Variants in LIN52 observed in about 807,000 individuals in gnomAD.
LIN52 encodes protein lin-52 homolog.
LIN52 carries 4 observed loss-of-function variants against 18.5 expected under a neutral mutation model. That is an observed-to-expected ratio of 0.22 (90% confidence interval 0.11 to 0.49). The LOEUF is 0.49. Ranked by LOEUF, LIN52 falls within the 20% of genes least tolerant of loss-of-function variation. The pLI is 0.97. For synonymous variants in LIN52, 34 were observed against 45.5 expected (o/e 0.75, Z 1.02); for missense variants, 102 against 139.5 (o/e 0.73, Z 1.35).
chr14:74,097,299 T>C (rs994207934), intron 3 of LIN52, among the ~76,000 whole-genome samples: 2 of 152,226 alleles, frequency 1.3e-5, no homozygotes, highest in African/African-American at 2.4e-5. Flanking sequence ...AGATGAGCCA[T>C]GTTTTTTGCA....
chr14:74,201,309 A>T lies in LIN52; in HGVS notation c.*2332A>T, dbSNP rs1413528684. ...GACCTCCCCAGAAAGTACAACTGTA[A>T]TGATAAATAATCTACTGTTTTCCCC... On this transcript the variant is annotated 3_prime_UTR_variant, in exon 6 of 6. Coordinates refer to ENST00000555028, the MANE Select transcript of LIN52 (RefSeq NM_001024674.3). 20 of 152,160 alleles carry T rather than the reference A, an allele frequency of 1.3e-4. No individual in the cohort carries two copies. Among genetic ancestry groups the T allele is most frequent in the Admixed American group, 1.3e-3 (20 of 15,264 alleles). The allele number at this position is 152,160 out of a possible 1,614,324, so 9.4% of individuals were successfully genotyped here.
At chr14:74,110,849 C>T (rs2060921998) in intron 5 of LIN52, among the ~76,000 whole-genome samples, 1 of 151,294 alleles carries the variant, frequency 6.6e-6, no homozygotes, top group Non-Finnish European at 1.5e-5. Context: ...ACCTGTAGTC[C>T]CAGCAACTTG....
intron 5 of LIN52, among the ~76,000 whole-genome samples, chr14:74,172,124 T>G (rs1269703125): frequency 6.6e-6 from 1 of 152,236 alleles, no homozygotes; most frequent in Admixed American, 6.5e-5. Flanking sequence ...GTTTCTTCAC[T>G]ATTGTAAGGC....
intron 5 of LIN52, among the ~76,000 whole-genome samples, chr14:74,104,638 G>A (rs918710330): frequency 1.3e-5 from 2 of 151,112 alleles, no homozygotes; most frequent in African/African-American, 4.9e-5. Flanking sequence ...TTGGTGTTGG[G>A]TACATTATGT....
intron 5 of LIN52, among the ~76,000 whole-genome samples, chr14:74,153,091 A>G (rs1346272998): frequency 6.6e-6 from 1 of 152,096 alleles, no homozygotes; most frequent in Non-Finnish European, 1.5e-5. Flanking sequence ...ACAGAATCCT[A>G]GTGCGTGCAA....
Position 74,130,278 on chromosome 14 carries a change from G to GTTTTTTTTTTTTTTTTTTTTTTTTTTT in LIN52, c.283+29058_283+29059insTTTTTTTTTTTTTTTTTTTTTTTTTTT, listed in dbSNP as rs71460958. Among the ~76,000 whole-genome samples, 77 of 64,814 alleles carry GTTTTTTTTTTTTTTTTTTTTTTTTTTT rather than the reference G, an allele frequency of 1.2e-3. 16 individuals are homozygous for GTTTTTTTTTTTTTTTTTTTTTTTTTTT. The highest frequency in any genetic ancestry group is 2.7e-3 in the African/African-American group (43 of 15,870). 42.5% of individuals were successfully genotyped at this position (64,814 alleles called of 152,430 possible). On this transcript the variant is annotated intron_variant, in intron 5 of 5. Transcript: ENST00000555028. ...GAATTTATTAGATAGGCATTTTTTG[G>GTTTTTTTTTTTTTTTTTTTTTTTTTTT]TTTTTTTTTTTTTTTTTTGAGACAG... is the stretch of plus-strand genomic sequence containing the variant.
chr14:74,115,302 A>G (rs553928794), intron 5 of LIN52, among the ~76,000 whole-genome samples: 1 of 152,256 alleles, frequency 6.6e-6, no homozygotes, highest in South Asian at 2.1e-4. Flanking sequence ...CTTGATAGGC[A>G]AAATATTGTC....
chr14:74,181,287 T>G (rs1441080817), intron 5 of LIN52, among the ~76,000 whole-genome samples: 1 of 151,406 alleles, frequency 6.6e-6, no homozygotes, highest in Non-Finnish European at 1.5e-5. Context: ...ACAAAAAAAT[T>G]TTTAAGAAGA....
chr14:74,124,320 G>C (rs2061015729), intron 5 of LIN52, among the ~76,000 whole-genome samples: 1 of 152,160 alleles, frequency 6.6e-6, no homozygotes, highest in Non-Finnish European at 1.5e-5. Context: ...ACTTCATGGA[G>C]AGCCTTTGTA....
At chr14:74,095,862 GA>G in intron 2 of LIN52, 85 bp from the exon 3 acceptor site, 4 of 818,454 alleles carry the variant, frequency 4.9e-6, no homozygotes, top group African/African-American at 1.7e-5. Flanking sequence ...TAAGAAAACA[GA>G]CAAAGCTGTT....
intron 5 of LIN52, among the ~76,000 whole-genome samples, chr14:74,127,906 C>T (rs906715980): frequency 1.3e-5 from 2 of 151,904 alleles, no homozygotes; most frequent in African/African-American, 2.4e-5. Flanking sequence ...GATGGACTGG[C>T]TGTGGGAAAG....
Position 74,158,486 on chromosome 14 carries a change from A to G in LIN52, c.284-40436A>G, listed in dbSNP as rs192276562. ...TTTTTATTTATTTACTTGTTTGTTT[A>G]TTTATTTTTGAGACAGAGTTTTGCT... On this transcript the variant is annotated intron_variant, in intron 5 of 5. Transcript: ENST00000555028. Among the ~76,000 whole-genome samples the G allele has an allele frequency of 4.8e-3, 716 of 148,176 alleles. 2 individuals are homozygous for G. The highest frequency in any genetic ancestry group is 0.015 in the African/African-American group (605 of 40,304).
At chr14:74,121,865 A>C (rs2061002131) in intron 5 of LIN52, among the ~76,000 whole-genome samples, 1 of 152,020 alleles carries the variant, frequency 6.6e-6, no homozygotes, top group Non-Finnish European at 1.5e-5. Context: ...CTGGGATTAC[A>C]GGCGCGCACA....
At chr14:74,130,436 C>T (rs12232124) in intron 5 of LIN52, among the ~76,000 whole-genome samples, 16,806 of 150,966 alleles carry the variant, frequency 0.11, 1,236 homozygotes, top group Admixed American at 0.19. Context: ...TACCACCACT[C>T]CTGGCTAATT....
At chr14:74,184,999 A>G (rs1595190788) in intron 5 of LIN52, among the ~76,000 whole-genome samples, 1 of 151,852 alleles carries the variant, frequency 6.6e-6, no homozygotes, top group Non-Finnish European at 1.5e-5. Context: ...AGACCCTAGT[A>G]ACCTTGATAA....
In LIN52 at chr14:74,137,451, A is replaced by G. The variant is rs550355663; in HGVS notation, c.283+36213A>G. On this transcript the variant is annotated intron_variant, in intron 5 of 5. Coordinates refer to ENST00000555028, the MANE Select transcript of LIN52 (RefSeq NM_001024674.3). ...GTTCTGGCATTGTAAATGCCATTAC[A>G]TTCTTGATAAGAGAACATTGAGCAC... 4.0e-5 allele frequency among the ~76,000 whole-genome samples: 6 copies of G among 150,552 alleles called. No homozygotes were observed. The South Asian group carries it at 1.0e-3, about 26-fold the overall frequency.
intron 5 of LIN52, among the ~76,000 whole-genome samples, chr14:74,164,046 A>G (rs1249400415): frequency 2.0e-5 from 3 of 151,920 alleles, no homozygotes; most frequent in African/African-American, 7.3e-5. Context: ...CAGTGGCGCA[A>G]TCTCGGCTCA....
intron 4 of LIN52, among the ~76,000 whole-genome samples, chr14:74,098,943 A>G (rs781569596): frequency 6.6e-6 from 1 of 152,232 alleles, no homozygotes; most frequent in African/African-American, 2.4e-5. Context: ...ATTAAATGAC[A>G]ACCTCTTAGT....
chr14:74,111,609 T>G (rs2060928587), intron 5 of LIN52, among the ~76,000 whole-genome samples: 1 of 52,324 alleles, frequency 1.9e-5, no homozygotes, highest in Non-Finnish European at 5.0e-5. Flanking sequence ...GCCCCTGGTA[T>G]TTATTTATTT....
Sources: gnomAD v4.1 joint callset for allele counts (sites outside exome capture counted in the v4.1 genomes callset) on GRCh38, gnomAD v4.1.1 for gene constraint, MANE v1.5 for transcripts, NCBI Gene and HGNC (gene_info 2026-07-23, HGNC 2026-07-21) for gene names.